PARVB: variants seen among roughly 807,000 people sequenced by gnomAD.
PARVB encodes beta-parvin.
Under a neutral mutation model 47.0 loss-of-function variants are expected in PARVB, and 46 were observed. That is an observed-to-expected ratio of 0.98 (90% CI 0.77 to 1.25). The LOEUF (loss-of-function observed/expected upper bound fraction) is 1.25, where lower values mean the gene tolerates loss of function less well. Among genes scored for constraint, PARVB ranks in the 50% most tolerant of loss-of-function variants. The pLI, the probability that PARVB is intolerant of heterozygous loss-of-function variation, is 0.00. For synonymous variants in PARVB, 196 were observed against 196.3 expected, an observed-to-expected ratio of 1.00 and a Z score of 0.01; for missense variants, 473 against 471.6, an observed-to-expected ratio of 1.00 and a Z score of -0.03.
intron 1 of PARVB, among the ~76,000 whole-genome samples, chr22:44,071,673 C>T (rs897488457): frequency 2.6e-5 from 4 of 152,156 alleles, no homozygotes; most frequent in Non-Finnish European, 5.9e-5. Context: ...ACTTCGTGTC[C>T]TCTGTTGCAG....
At chr22:44,135,612 C>A (rs2053426839) in intron 6 of PARVB, among the ~76,000 whole-genome samples, 1 of 152,150 alleles carries the variant, frequency 6.6e-6, no homozygotes, top group Non-Finnish European at 1.5e-5. Flanking sequence ...TATACTGTGT[C>A]AGTTTCCTAG....
At chr22:44,140,231 G>A in intron 8 of PARVB, 88 bp downstream of exon 8, 3 of 1,381,684 alleles carry the variant, frequency 2.2e-6, no homozygotes, top group East Asian at 2.3e-5. Flanking sequence ...TTATCTGGAG[G>A]GAGTGGGAAA....
chr22:44,044,694 C>T (rs78110184), intron 1 of PARVB, among the ~76,000 whole-genome samples: 1 of 151,818 alleles, frequency 6.6e-6, no homozygotes, highest in Non-Finnish European at 1.5e-5. Flanking sequence ...CCATGTTGGC[C>T]AGGTGGGTCT....
intron 2 of PARVB, among the ~76,000 whole-genome samples, chr22:44,018,065 C>A (rs117475902): frequency 0.011 from 1,741 of 152,226 alleles, 17 homozygotes; most frequent in Non-Finnish European, 0.018. Flanking sequence ...GTACCCGGAT[C>A]TCTGTTCAGC....
upstream of PARVB, among the ~76,000 whole-genome samples, chr22:44,023,295 G>C (rs1418184730): frequency 6.6e-6 from 1 of 151,790 alleles, no homozygotes; most frequent in Non-Finnish European, 1.5e-5. Flanking sequence ...CGGATCACCT[G>C]AGGTCAGGGG....
At chr22:44,160,202 C>A (rs1373968252) in intron 11 of PARVB, among the ~76,000 whole-genome samples, 1 of 152,184 alleles carries the variant, frequency 6.6e-6, no homozygotes, top group East Asian at 1.9e-4. Context: ...GGAGACTCTG[C>A]AGGCTCCCTC....
chr22:44,028,325 GGTTTTT>G (rs1403909861), intron 1 of PARVB, among the ~76,000 whole-genome samples: 4 of 151,318 alleles, frequency 2.6e-5, no homozygotes, highest in African/African-American at 7.3e-5. Flanking sequence ...TTGTTTTTTT[GGTTTTT>G]GTTTTTGTTT....
At chr22:44,163,027 A>G (rs981940866) in intron 11 of PARVB, among the ~76,000 whole-genome samples, 2 of 152,142 alleles carry the variant, frequency 1.3e-5, no homozygotes, top group Non-Finnish European at 2.9e-5. Context: ...ACTCAGTGCT[A>G]AGGCCCTCCC....
In PARVB at chr22:44,000,529, G is replaced by A. The variant is rs554709825; in HGVS notation, c.211+856G>A. On this transcript the variant is annotated intron_variant, in intron 2 of 13. Coordinates refer to the PARVB transcript ENST00000406477. ...TGGTGGCTCACGCCTGTAAAATTTT[G>A]CAGATCTTTTAATATCTGTCTTCAA... Among the ~76,000 whole-genome samples, 70 of 152,310 alleles carry A rather than the reference G, an allele frequency of 4.6e-4. 1 individual carries two copies. The Middle Eastern group carries it at 0.01, about 22-fold the overall frequency.
chr22:44,154,539 G>GTGTC (rs1469278805), intron 10 of PARVB, among the ~76,000 whole-genome samples: 1 of 113,954 alleles, frequency 8.8e-6, no homozygotes, highest in African/African-American at 4.3e-5. Flanking sequence ...TGGTGGGTGT[G>GTGTC]TGTGTGTGTG....
In PARVB at chr22:44,024,721, G is replaced by A. The variant is rs577568699; in HGVS notation, c.112+270G>A. ...CGGGGACCTCGGGCCACCGTGCGGG[G>A]CCCGCGCCTGCTCTGCCTGCCGGGT... On this transcript the variant is annotated intron_variant, in intron 1 of 12. Coordinates refer to ENST00000338758, the MANE Select transcript of PARVB (RefSeq NM_013327.5). 4.9e-3 allele frequency among the ~76,000 whole-genome samples: 751 copies of A among 152,198 alleles called. 6 individuals carry two copies. The highest frequency in any genetic ancestry group is 0.017 in the African/African-American group (717 of 41,554).
intron 1 of PARVB, among the ~76,000 whole-genome samples, chr22:44,050,884 ACC>A (rs2051196811): frequency 6.6e-6 from 1 of 152,220 alleles, no homozygotes; most frequent in Non-Finnish European, 1.5e-5. Flanking sequence ...ACAGCCCGTC[ACC>A]AGGAGCTTGA....
At chr22:44,051,011 T>C (rs2051198816) in intron 1 of PARVB, among the ~76,000 whole-genome samples, 1 of 152,142 alleles carries the variant, frequency 6.6e-6, no homozygotes, top group Admixed American at 6.5e-5. Flanking sequence ...GGCGCCTAGC[T>C]CCTGTTGTCT....
intron 2 of PARVB, among the ~76,000 whole-genome samples, chr22:44,017,647 G>A (rs555126354): frequency 3.9e-5 from 6 of 152,252 alleles, no homozygotes; most frequent in South Asian, 4.1e-4. Context: ...CTGGCAAGCC[G>A]GAACCACTGA....
chr22:44,136,313 CTGGCATGCGTGTT>C (rs2053439625), intron 6 of PARVB, 134 bp from the exon 7 acceptor site: 1 of 728,596 alleles, frequency 1.4e-6, no homozygotes, highest in East Asian at 2.7e-5. Context: ...TCACCCAGGC[CTGGCATGCGTGTT>C]CAACACCACC....
At chr22:44,102,081 C>T (rs1398801568) in intron 3 of PARVB, among the ~76,000 whole-genome samples, 2 of 152,190 alleles carry the variant, frequency 1.3e-5, no homozygotes, top group African/African-American at 4.8e-5. Flanking sequence ...CTGCCATCTG[C>T]AAGCTAGAAA....
chr22:44,089,305 C>T lies in PARVB; in HGVS notation c.113-4623C>T, dbSNP rs2052106695. 6.6e-6 allele frequency: 1 copy of T among 152,234 alleles called. No individual in the cohort carries two copies. Among genetic ancestry groups the T allele is most frequent in the Non-Finnish European group, 1.5e-5 (1 of 68,090 alleles). The allele number at this position is 152,234 out of a possible 1,614,324, so 9.4% of individuals were successfully genotyped here. ...AGAACAATGCAGACACTTAGGAAAA[C>T]AAGCACAAGGCGGTCTTTTTCCCTT... is the stretch of plus-strand genomic sequence containing the variant. On this transcript the variant is annotated intron_variant, in intron 1 of 12. Transcript: ENST00000338758. The surrounding 1 kb of genome is among the most constrained non-coding windows in gnomAD (Gnocchi z 4.0).
intron 3 of PARVB, chr22:44,112,022 CGA>C (rs2052710181): frequency 6.6e-6 from 1 of 151,744 alleles, no homozygotes; most frequent in Admixed American, 6.6e-5. Flanking sequence ...ATCAGCATGG[CGA>C]GAGAGTGGAA....
In PARVB at chr22:44,003,024, G is replaced by A. The variant is rs1274517891; in HGVS notation, c.211+3351G>A. On this transcript the variant is annotated intron_variant, in intron 2 of 13. Coordinates refer to the PARVB transcript ENST00000406477. ...GATTTTTGAAAAGCAAGGACATTCTGTGAAGTTTGACCAACTGTGAAAATT... is the reference window on the plus strand; with the variant it reads ...GATTTTTGAAAAGCAAGGACATTCTATGAAGTTTGACCAACTGTGAAAATT... Among the ~76,000 whole-genome samples, 3 of 152,296 alleles carry A rather than the reference G, an allele frequency of 2.0e-5. No individual in the cohort carries two copies. The East Asian group carries it at 5.8e-4, about 29-fold the overall frequency.
Sources: gnomAD v4.1 joint callset for allele counts (sites outside exome capture counted in the v4.1 genomes callset) on GRCh38, gnomAD v4.1.1 for gene constraint, Gnocchi (gnomAD v3.1) non-coding constraint, MANE v1.5 for transcripts, NCBI Gene and HGNC (gene_info 2026-07-23, HGNC 2026-07-21) for gene names.